Variants in SH3PXD2A observed in about 807,000 individuals in gnomAD.
SH3PXD2A encodes the protein SH3 and PX domain-containing protein 2A.
Under a neutral mutation model 115.2 loss-of-function variants are expected in SH3PXD2A, and 32 were observed. That is an observed-to-expected ratio of 0.28 (90% CI 0.21 to 0.37). The LOEUF is 0.37. SH3PXD2A is among the 10% of genes least tolerant of loss of function. The pLI, the probability that SH3PXD2A is intolerant of heterozygous loss-of-function variation, is 1.00. For missense variants in SH3PXD2A, 1,328 were observed against 1,498.7 expected, an observed-to-expected ratio of 0.89 and a Z score of 1.88; for synonymous variants, 610 against 629.1, an observed-to-expected ratio of 0.97 and a Z score of 0.45.
chr10:103,597,625 C>T lies in SH3PXD2A; in HGVS notation c.*4191G>A, dbSNP rs1192763847. On this transcript the variant is annotated 3_prime_UTR_variant, in exon 15 of 15. Coordinates refer to ENST00000369774, the MANE Select transcript of SH3PXD2A (RefSeq NM_001394015.1). ...GAGAACGCCACAAGATCAAACTCCACCAACCCACCCACCTGTTCCACAGCT... is the reference window on the plus strand; with the variant it reads ...GAGAACGCCACAAGATCAAACTCCATCAACCCACCCACCTGTTCCACAGCT... The T allele has an allele frequency of 1.3e-5, 2 of 152,664 alleles. No homozygotes were observed. The highest frequency in any genetic ancestry group is 4.8e-5 in the African/African-American group (2 of 41,450). The allele number at this position is 152,664 out of a possible 1,614,324, so 9.5% of individuals were successfully genotyped here.
At chr10:103,623,685 G>A (rs975349543) in intron 9 of SH3PXD2A, among the ~76,000 whole-genome samples, 1 of 152,152 alleles carries the variant, frequency 6.6e-6, no homozygotes, top group African/African-American at 2.4e-5. Flanking sequence ...AGCAACCTGT[G>A]TCACTCTAGG....
chr10:103,655,936 G>A (rs969947159), intron 8 of SH3PXD2A, among the ~76,000 whole-genome samples: 1 of 152,132 alleles, frequency 6.6e-6, no homozygotes, highest in African/African-American at 2.4e-5. Context: ...AAGTATTCAA[G>A]AATGGTGAAA....
At chr10:103,626,374 G>A (rs1392102393) in intron 9 of SH3PXD2A, among the ~76,000 whole-genome samples, 2 of 152,202 alleles carry the variant, frequency 1.3e-5, no homozygotes, top group African/African-American at 2.4e-5. Context: ...CCAACCGTTA[G>A]GGAAAGAATT....
Position 103,602,115 on chromosome 10 carries a change from G to C in SH3PXD2A, c.3103C>G (p.Arg1035Gly), listed in dbSNP as rs760123155. The change falls in exon 15 of 15, where the codon CGG (arginine) becomes GGG (glycine). Residue 1035 changes from arginine to glycine, a missense_variant. Around this residue, in one of 5 missense-constraint regions of SH3PXD2A, gnomAD observed 574 missense variants for 565.7 expected, o/e 1.01. Coordinates refer to ENST00000369774, the MANE Select transcript of SH3PXD2A (RefSeq NM_001394015.1). ...AAEAKGRLAE[R>G]AASQGSDSPL... is the part of the protein sequence containing the mutation. ...GAGTCTGAACCCTGGCTGGCAGCCCGTTCGGCCAGGCGGCCCTTGGCCTCG... is the reference window on the plus strand; with the variant it reads ...GAGTCTGAACCCTGGCTGGCAGCCCCTTCGGCCAGGCGGCCCTTGGCCTCG... 1 of 1,587,098 alleles carries C rather than the reference G, an allele frequency of 6.3e-7. No homozygotes were observed. Among genetic ancestry groups the C allele is most frequent in the South Asian group, 1.1e-5 (1 of 86,978 alleles).
At chr10:103,609,801 G>A (rs1018628481) in intron 13 of SH3PXD2A, 3 of 152,234 alleles carry the variant, frequency 2.0e-5, no homozygotes, top group Non-Finnish European at 4.4e-5. Flanking sequence ...GGAGGGATGA[G>A]GGGACGGGAA....
At chr10:103,703,227 G>A (rs1047893267) in intron 5 of SH3PXD2A, among the ~76,000 whole-genome samples, 6 of 152,316 alleles carry the variant, frequency 3.9e-5, no homozygotes, top group Middle Eastern at 3.4e-3. Flanking sequence ...TGGGAGGCCC[G>A]GGTGATCGCC....
chr10:103,807,588 G>C (rs1264896031), intron 1 of SH3PXD2A, among the ~76,000 whole-genome samples: 1 of 152,220 alleles, frequency 6.6e-6, no homozygotes, highest in Non-Finnish European at 1.5e-5. Context: ...GGACATGTAG[G>C]TGTGAAATCT....
intron 1 of SH3PXD2A, among the ~76,000 whole-genome samples, chr10:103,802,652 G>A (rs1375173257): frequency 6.6e-6 from 1 of 152,188 alleles, no homozygotes; most frequent in Non-Finnish European, 1.5e-5. Context: ...CCCTGGGAAG[G>A]ACACCTGCAG....
intron 2 of SH3PXD2A, among the ~76,000 whole-genome samples, chr10:103,797,379 A>G (rs116278344): frequency 0.011 from 1,705 of 152,198 alleles, 31 homozygotes; most frequent in African/African-American, 0.039. Context: ...ATGAGCAGTT[A>G]CCAGGTGATC....
intron 2 of SH3PXD2A, among the ~76,000 whole-genome samples, chr10:103,767,818 T>TTTTTG (rs1554921220): frequency 3.4e-5 from 5 of 147,078 alleles, no homozygotes; most frequent in African/African-American, 7.6e-5. Context: ...TTGTTTTTTT[T>TTTTTG]TTTTTTTTTT....
intron 1 of SH3PXD2A, among the ~76,000 whole-genome samples, chr10:103,825,176 C>G (rs569979090): frequency 6.6e-6 from 1 of 152,312 alleles, no homozygotes; most frequent in Non-Finnish European, 1.5e-5. Context: ...TTTGGAGAGG[C>G]ATTTATACTG....
At chr10:103,770,486 C>T (rs1185547776) in intron 2 of SH3PXD2A, among the ~76,000 whole-genome samples, 1 of 152,228 alleles carries the variant, frequency 6.6e-6, no homozygotes, top group Non-Finnish European at 1.5e-5. Context: ...CAGGTGTGAG[C>T]CACTGTGCCC....
intron 1 of SH3PXD2A, among the ~76,000 whole-genome samples, chr10:103,817,576 T>G (rs2039337285): frequency 6.6e-6 from 1 of 151,920 alleles, no homozygotes. Flanking sequence ...CCTGGCCTCA[T>G]GTGATCTGCC....
chr10:103,830,297 T>C (rs535977544), intron 1 of SH3PXD2A, among the ~76,000 whole-genome samples: 1 of 152,218 alleles, frequency 6.6e-6, no homozygotes, highest in African/African-American at 2.4e-5. Flanking sequence ...GAAGGAATGA[T>C]AGGAAGAGAT....
intron 8 of SH3PXD2A, among the ~76,000 whole-genome samples, chr10:103,649,288 G>T (rs570401740): frequency 3.3e-5 from 5 of 152,330 alleles, no homozygotes; most frequent in African/African-American, 1.2e-4. Context: ...ACCCCTCCAT[G>T]CTGTGGATGA....
At chr10:103,714,321 C>T (rs1487053230) in intron 5 of SH3PXD2A, among the ~76,000 whole-genome samples, 1 of 152,138 alleles carries the variant, frequency 6.6e-6, no homozygotes, top group Non-Finnish European at 1.5e-5. Context: ...TAATGGGGGA[C>T]CCAGTCTACC....
intron 1 of SH3PXD2A, among the ~76,000 whole-genome samples, chr10:103,815,959 A>C (rs2039320227): frequency 6.6e-6 from 1 of 152,186 alleles, no homozygotes; most frequent in East Asian, 1.9e-4. Flanking sequence ...AGCCAAATAT[A>C]TAGAAGCAGA....
chr10:103,702,557 C>T (rs972217822), intron 5 of SH3PXD2A, among the ~76,000 whole-genome samples: 15 of 139,914 alleles, frequency 1.1e-4, no homozygotes, highest in African/African-American at 1.3e-4. Context: ...GTGTGAGCAA[C>T]GGTGCAGGGG....
At chr10:103,735,679 TCCTCCCTGAAGCCCTCCCCGAGCCCCTCC>T in intron 4 of SH3PXD2A, 24 bp downstream of exon 4, 2 of 1,373,694 alleles carry the variant, frequency 1.5e-6, no homozygotes, top group Non-Finnish European at 2.1e-6. Flanking sequence ...TGGGCCCCTC[TCCTCCCTGAAGCCCTCCCCGAGCCCCTCC>T]CCCAGCCCCA....
Sources: allele counts gnomAD v4.1 joint callset (sites outside exome capture counted in the v4.1 genomes callset), GRCh38; gene constraint gnomAD v4.1.1; regional missense constraint gnomAD v4.1.1; transcripts MANE v1.5; gene names NCBI Gene and HGNC (gene_info 2026-07-23, HGNC 2026-07-21).